VPS35L: variants seen among roughly 807,000 people sequenced by gnomAD.
VPS35L encodes the protein VPS35 endosomal protein-sorting factor-like.
In VPS35L, 83 loss-of-function variants were observed where a neutral mutation model predicts 133.0. The ratio of observed to expected loss-of-function variants is 0.62; its 90% confidence interval spans 0.52 to 0.75. The LOEUF (loss-of-function observed/expected upper bound fraction) is 0.75, where lower values mean the gene tolerates loss of function less well. Among genes scored for constraint, VPS35L ranks in the 30% least tolerant of loss-of-function variants. The pLI is 0.00. For missense variants in VPS35L, 1,083 were observed against 1,206.8 expected (o/e 0.90, Z 1.52); for synonymous variants, 423 against 449.9 (o/e 0.94, Z 0.76).
chr16:19,595,199 G>A (rs1247876458), intron 8 of VPS35L, among the ~76,000 whole-genome samples: 1 of 152,138 alleles, frequency 6.6e-6, no homozygotes, highest in African/African-American at 2.4e-5. Context: ...GCAGAGGAGG[G>A]AGGTGATCCC....
chr16:19,609,018 A>C lies in VPS35L; in HGVS notation c.926A>C (p.Lys309Thr). The C allele has an allele frequency of 6.2e-7, 1 of 1,613,570 alleles. No homozygotes were observed. The highest frequency in any genetic ancestry group is 8.5e-7 in the Non-Finnish European group (1 of 1,179,558). Reference protein sequence around the residue: ...SILKCNKFLSKTGISECLPRL... With the variant: ...SILKCNKFLSTTGISECLPRL... ...CTGAAATGTAACAAATTCCTCTCCA[A>C]AACGTAAGGCTCTTCGGTAAAATCT... Residue 309 changes from lysine (K) to threonine (T), a missense_variant, in exon 11 of 31, where the codon AAA (lysine) becomes ACA (threonine). Transcript: ENST00000417362.
At chr16:19,651,025 C>T (rs1234320383) in intron 25 of VPS35L, among the ~76,000 whole-genome samples, 1 of 151,808 alleles carries the variant, frequency 6.6e-6, no homozygotes, top group African/African-American at 2.4e-5. Context: ...ATTACAGACG[C>T]GTGCCACCAT....
intron 12 of VPS35L, among the ~76,000 whole-genome samples, chr16:19,611,201 T>C (rs1246834173): frequency 6.6e-6 from 1 of 152,146 alleles, no homozygotes; most frequent in Non-Finnish European, 1.5e-5. Context: ...GGTTTCACCA[T>C]GTTGGCCAGG....
chr16:19,598,785 T>TAA (rs35846910), intron 8 of VPS35L, among the ~76,000 whole-genome samples: 48 of 146,220 alleles, frequency 3.3e-4, no homozygotes, highest in Non-Finnish European at 5.4e-4. Context: ...TTCTGTCTCT[T>TAA]AAAAAAAAAA....
intron 29 of VPS35L, chr16:19,694,488 CT>C (rs969957675): frequency 2.2e-3 from 322 of 144,668 alleles, no homozygotes; most frequent in African/African-American, 5.0e-3. Context: ...GATTTCTTTT[CT>C]TTTTTTTTTT....
intron 26 of VPS35L, among the ~76,000 whole-genome samples, chr16:19,662,670 A>G (rs1172397594): frequency 1.3e-5 from 2 of 151,876 alleles, no homozygotes; most frequent in Non-Finnish European, 2.9e-5. Flanking sequence ...AACCCCCCAC[A>G]TTCACTTACT....
rs535299502 is a variant in VPS35L, at chr16:19,566,027, A to T, written c.117+1077A>T. On this transcript the variant is annotated intron_variant, in intron 2 of 30. Transcript: ENST00000417362. ...CATGTTGGGGAGAAGAGAAGATGTG[A>T]TTGTCAGCATGGAGGCTCTGGGAAT... is the stretch of plus-strand genomic sequence containing the variant. Among the ~76,000 whole-genome samples the T allele has an allele frequency of 5.9e-5, 9 of 152,252 alleles. No homozygotes were observed. The East Asian group carries it at 1.7e-3, about 29-fold the overall frequency.
At chr16:19,560,738 G>A (rs974370268) in intron 1 of VPS35L, among the ~76,000 whole-genome samples, 1 of 151,864 alleles carries the variant, frequency 6.6e-6, no homozygotes, top group Non-Finnish European at 1.5e-5. Context: ...GGAGGTTGCA[G>A]TGAGCCGAGA....
intron 26 of VPS35L, among the ~76,000 whole-genome samples, chr16:19,658,461 C>T (rs562871913): frequency 6.6e-6 from 1 of 152,192 alleles, no homozygotes; most frequent in East Asian, 1.9e-4. Context: ...GCCTGGAGGG[C>T]AGAGGTTGCA....
At chr16:19,643,572 G>C (rs866615308) in intron 22 of VPS35L, among the ~76,000 whole-genome samples, 2 of 152,120 alleles carry the variant, frequency 1.3e-5, no homozygotes, top group South Asian at 4.1e-4. Flanking sequence ...AGCTGGGAAG[G>C]CTCACACATC....
intron 14 of VPS35L, among the ~76,000 whole-genome samples, chr16:19,620,651 C>G (rs1973048708): frequency 6.6e-6 from 1 of 151,980 alleles, no homozygotes; most frequent in South Asian, 2.1e-4. Flanking sequence ...ACTATGTACC[C>G]TCAAAAAATA....
chr16:19,619,142 G>A (rs543824704), intron 14 of VPS35L, among the ~76,000 whole-genome samples: 5 of 151,616 alleles, frequency 3.3e-5, no homozygotes, highest in Admixed American at 6.6e-5. Context: ...TGTTGATCTC[G>A]TGCTGATCTC....
chr16:19,604,789 TC>T (rs1972492509), intron 9 of VPS35L, among the ~76,000 whole-genome samples: 5 of 152,202 alleles, frequency 3.3e-5, no homozygotes, highest in Admixed American at 2.6e-4. Context: ...CCCTTTGCCT[TC>T]AGGAATTTTA....
Position 19,609,381 on chromosome 16 carries a change from A to T in VPS35L, c.929+360A>T, listed in dbSNP as rs182072386. On this transcript the variant is annotated intron_variant, in intron 11 of 30. Coordinates refer to ENST00000417362, the MANE Select transcript of VPS35L (RefSeq NM_020314.7). ...CCTCTCCTGGGAACATGACCCTAAG[A>T]AGAGGTCTGAGGGGGTCCTTTGGGT... Among the ~76,000 whole-genome samples, 33 of 152,224 alleles carry T rather than the reference A, an allele frequency of 2.2e-4. No homozygotes were observed. The East Asian group carries it at 5.2e-3, about 24-fold the overall frequency.
At chr16:19,624,285 T>C (rs958297814) in intron 14 of VPS35L, among the ~76,000 whole-genome samples, 3 of 151,376 alleles carry the variant, frequency 2.0e-5, no homozygotes, top group Non-Finnish European at 4.4e-5. Context: ...CCAGCTAATT[T>C]TTTAAAAAAT....
intron 4 of VPS35L, 120 bp downstream of exon 4, chr16:19,573,361 T>C (rs1971441734): frequency 3.4e-6 from 4 of 1,168,972 alleles, no homozygotes; most frequent in Non-Finnish European, 4.7e-6. Context: ...TTTCTACTTC[T>C]CTTAAAAGCT....
chr16:19,643,986 G>A (rs879840596), intron 22 of VPS35L, among the ~76,000 whole-genome samples: 4 of 151,812 alleles, frequency 2.6e-5, no homozygotes, highest in Admixed American at 2.6e-4. Flanking sequence ...AAAAAAGAAC[G>A]AAGTGGGCAT....
At chr16:19,654,936 A>G (rs1244365848) in intron 26 of VPS35L, among the ~76,000 whole-genome samples, 1 of 152,224 alleles carries the variant, frequency 6.6e-6, no homozygotes, top group Non-Finnish European at 1.5e-5. Context: ...GTAGGGCTTT[A>G]TGATAATTTT....
intron 8 of VPS35L, 168 bp from the exon 9 acceptor site, chr16:19,601,496 A>T (rs1403719633): frequency 1.6e-6 from 1 of 629,690 alleles, no homozygotes; most frequent in East Asian, 2.9e-5. Context: ...ACTAAAAACA[A>T]AACAAAAAAA....
Sources: allele counts gnomAD v4.1 joint callset (sites outside exome capture counted in the v4.1 genomes callset), GRCh38; gene constraint gnomAD v4.1.1; transcripts MANE v1.5; gene names NCBI Gene and HGNC (gene_info 2026-07-23, HGNC 2026-07-21).